CNTNAP2: variants seen among roughly 807,000 people sequenced by gnomAD.
CNTNAP2 encodes the protein contactin-associated protein-like 2.
Under a neutral mutation model 155.2 loss-of-function variants are expected in CNTNAP2, and 98 were observed. The ratio of observed to expected loss-of-function variants is 0.63; its 90% confidence interval spans 0.54 to 0.75. The LOEUF (loss-of-function observed/expected upper bound fraction) is 0.75. Among genes scored for constraint, CNTNAP2 ranks in the 30% least tolerant of loss-of-function variants. The probability of loss-of-function intolerance (pLI) is 0.00; values close to 1 mark genes in which losing one functional copy is unlikely to be tolerated. For missense variants in CNTNAP2, 1,727 were observed against 1,688.1 expected (o/e 1.02, Z -0.40); for synonymous variants, 651 against 631.2 (o/e 1.03, Z -0.47).
chr7:147,938,158 C>G (rs1226191946), intron 14 of CNTNAP2, among the ~76,000 whole-genome samples: 1 of 152,182 alleles, frequency 6.6e-6, no homozygotes, highest in Non-Finnish European at 1.5e-5. Flanking sequence ...GAGATAAGAA[C>G]TGTGAGCTGG....
At chr7:146,801,147 G>T (rs1802869837) in intron 2 of CNTNAP2, among the ~76,000 whole-genome samples, 1 of 152,170 alleles carries the variant, frequency 6.6e-6, no homozygotes, top group South Asian at 2.1e-4. Context: ...GGATGAAGGG[G>T]TGCAGGTACA....
intron 11 of CNTNAP2, among the ~76,000 whole-genome samples, chr7:147,558,689 G>A (rs1020703333): frequency 7.1e-6 from 1 of 141,392 alleles, no homozygotes; most frequent in African/African-American, 2.6e-5. Flanking sequence ...TTTTTCCTTC[G>A]TTCGTTCTTT....
chr7:147,943,358 C>A (rs549395125), intron 14 of CNTNAP2, among the ~76,000 whole-genome samples: 2 of 152,200 alleles, frequency 1.3e-5, no homozygotes, highest in South Asian at 4.1e-4. Context: ...CTATTCTATA[C>A]CTTGAATTTA....
chr7:147,686,696 G>T, intron 13 of CNTNAP2, among the ~76,000 whole-genome samples: 2 of 151,902 alleles, frequency 1.3e-5, no homozygotes, highest in South Asian at 4.1e-4. Flanking sequence ...GAAGAGTTTA[G>T]GCTGTCCTGG....
At chr7:146,619,074 C>CAA (rs397974061) in intron 1 of CNTNAP2, among the ~76,000 whole-genome samples, 5 of 85,722 alleles carry the variant, frequency 5.8e-5, no homozygotes, top group Non-Finnish European at 1.0e-4. Flanking sequence ...GACTTCATCT[C>CAA]AAAAAAAAAA....
At chr7:148,238,894 C>T (rs1166991540) in intron 20 of CNTNAP2, among the ~76,000 whole-genome samples, 1 of 152,180 alleles carries the variant, frequency 6.6e-6, no homozygotes, top group East Asian at 1.9e-4. Context: ...ACAATACTAA[C>T]AAGCATATGG....
chr7:146,618,436 A>C (rs924836110), intron 1 of CNTNAP2, among the ~76,000 whole-genome samples: 21 of 152,312 alleles, frequency 1.4e-4, no homozygotes, highest in African/African-American at 4.6e-4. Flanking sequence ...GATGCTTTCA[A>C]ATTATTTACA....
chr7:148,165,462 C>T (rs1225115599), intron 17 of CNTNAP2, among the ~76,000 whole-genome samples: 1 of 152,216 alleles, frequency 6.6e-6, no homozygotes, highest in Non-Finnish European at 1.5e-5. Context: ...TTTATATACA[C>T]ATCATCTCAG....
Position 147,752,589 on chromosome 7 carries a change from G to T in CNTNAP2, c.2098+113283G>T, listed in dbSNP as rs145027530. Among the ~76,000 whole-genome samples the T allele has an allele frequency of 3.7e-3, 559 of 152,230 alleles. 3 individuals are homozygous for T. Among genetic ancestry groups the T allele is most frequent in the African/African-American group, 0.012 (510 of 41,536 alleles). On this transcript the variant is annotated intron_variant, in intron 13 of 23. Transcript: ENST00000361727. ...CTGGAAGCTCTAGAAAATAAGAGGTGGAAAAATGAGCTCTCAATGTCCACC... is the reference window on the plus strand; with the variant it reads ...CTGGAAGCTCTAGAAAATAAGAGGTTGAAAAATGAGCTCTCAATGTCCACC...
chr7:147,680,322 A>G (rs759629708), intron 13 of CNTNAP2, among the ~76,000 whole-genome samples: 2 of 151,842 alleles, frequency 1.3e-5, no homozygotes, highest in Non-Finnish European at 2.9e-5. Context: ...TGTAATAACT[A>G]CGGTACTTCT....
At chr7:146,123,630 A>G (rs1200238427) in intron 1 of CNTNAP2, among the ~76,000 whole-genome samples, 1 of 152,198 alleles carries the variant, frequency 6.6e-6, no homozygotes, top group Non-Finnish European at 1.5e-5. Context: ...CTGGACTCAC[A>G]ATTTTTATTT....
intron 13 of CNTNAP2, among the ~76,000 whole-genome samples, chr7:147,716,544 ATTTC>A (rs1247342935): frequency 2.6e-5 from 4 of 152,056 alleles, no homozygotes; most frequent in Non-Finnish European, 2.9e-5. Context: ...CATGTTGCCA[ATTTC>A]TTTCTTTCTG....
rs373499312 is a variant in CNTNAP2, at chr7:148,153,020, CAAAAAA to C, written c.2773+5333_2773+5338del. On this transcript the variant is annotated intron_variant, in intron 17 of 23. Coordinates refer to ENST00000361727, the MANE Select transcript of CNTNAP2 (RefSeq NM_014141.6). ...TGGGTGACTGAGCAAGACTCCGTCT[CAAAAAA>C]AAAAAAAAAAAAAAAAAAAAAGCTA... Among the ~76,000 whole-genome samples the C allele has an allele frequency of 2.8e-3, 64 of 22,678 alleles. 1 individual carries two copies. Among genetic ancestry groups the C allele is most frequent in the Non-Finnish European group, 4.5e-3 (58 of 12,948 alleles). The allele number at this position is 22,678 out of a possible 152,430, so 14.9% of individuals were successfully genotyped here. A position where few individuals can be genotyped will look rare whatever the true frequency, so the allele number is the denominator to read the frequency against.
intron 1 of CNTNAP2, among the ~76,000 whole-genome samples, chr7:146,227,428 CAAAA>C (rs755623604): frequency 4.8e-4 from 28 of 58,722 alleles, no homozygotes; most frequent in Middle Eastern, 0.01. Context: ...CTGTCTCAAA[CAAAA>C]AAAAAAAAAA....
chr7:148,290,666 C>T (rs887047649), intron 21 of CNTNAP2, among the ~76,000 whole-genome samples: 7 of 152,146 alleles, frequency 4.6e-5, no homozygotes, highest in African/African-American at 9.7e-5. Context: ...TAAATTTCTG[C>T]GGCAGATTCA....
intron 3 of CNTNAP2, among the ~76,000 whole-genome samples, chr7:146,964,786 A>G (rs1268635016): frequency 6.6e-6 from 1 of 151,646 alleles, no homozygotes; most frequent in African/African-American, 2.4e-5. Context: ...TTCTGTCTCT[A>G]TATTCAAATC....
chr7:147,273,105 T>G (rs891400679), intron 8 of CNTNAP2, among the ~76,000 whole-genome samples: 9 of 152,218 alleles, frequency 5.9e-5, no homozygotes, highest in Middle Eastern at 3.4e-3. Context: ...TGAAATCCTA[T>G]GTTCTGCTTC....
intron 13 of CNTNAP2, among the ~76,000 whole-genome samples, chr7:147,839,322 A>T (rs972659038): frequency 6.6e-6 from 1 of 152,202 alleles, no homozygotes; most frequent in African/African-American, 2.4e-5. Flanking sequence ...GTTGACACTC[A>T]GTATTAACCA....
At chr7:147,309,985 T>C (rs78189278) in intron 9 of CNTNAP2, among the ~76,000 whole-genome samples, 2,025 of 152,234 alleles carry the variant, frequency 0.013, 42 homozygotes, top group African/African-American at 0.047. Flanking sequence ...GTTTACCAAT[T>C]ATATGCATAA....
Sources: allele counts gnomAD v4.1 joint callset (sites outside exome capture counted in the v4.1 genomes callset), GRCh38; gene constraint gnomAD v4.1.1; transcripts MANE v1.5; gene names NCBI Gene and HGNC (gene_info 2026-07-23, HGNC 2026-07-21).